Variants in CLPB observed in about 807,000 individuals in gnomAD.
The protein encoded by CLPB is ClpB family mitochondrial disaggregase, also known as mitochondrial disaggregase.
Under a neutral mutation model 78.4 loss-of-function variants are expected in CLPB, and 40 were observed. The observed-to-expected ratio is 0.51, with a 90% CI of 0.40 to 0.66. The LOEUF is 0.66. Among genes scored for constraint, CLPB ranks in the 30% least tolerant of loss-of-function variants. The pLI is 0.00. For synonymous variants in CLPB, 333 were observed against 348.0 expected, an observed-to-expected ratio of 0.96 and a Z score of 0.48; for missense variants, 780 against 886.9, an observed-to-expected ratio of 0.88 and a Z score of 1.53.
At chr11:72,381,152 T>C (rs1284097622) in intron 3 of CLPB, among the ~76,000 whole-genome samples, 1 of 152,124 alleles carries the variant, frequency 6.6e-6, no homozygotes, top group Admixed American at 6.5e-5. Context: ...CTACAGAGGG[T>C]AGGAAGACAG....
chr11:72,331,842 G>T (rs546228153), intron 5 of CLPB, among the ~76,000 whole-genome samples: 1 of 152,086 alleles, frequency 6.6e-6, no homozygotes, highest in African/African-American at 2.4e-5. Flanking sequence ...CCAAAGTGCT[G>T]GGATTATAGG....
At chr11:72,302,118 T>C in intron 10 of CLPB, 154 bp from the exon 11 acceptor site, 3 of 980,014 alleles carry the variant, frequency 3.1e-6, no homozygotes, top group Non-Finnish European at 4.6e-6. Context: ...CAGATAGATC[T>C]TCTCTATGTT....
chr11:72,433,833 A>G (rs1474805474), intron 1 of CLPB, among the ~76,000 whole-genome samples: 1 of 152,158 alleles, frequency 6.6e-6, no homozygotes, highest in Non-Finnish European at 1.5e-5. Context: ...TCCCCATTGT[A>G]CAGATGGATA....
chr11:72,294,974 C>T (rs1287359157), intron 12 of CLPB, among the ~76,000 whole-genome samples: 1 of 152,138 alleles, frequency 6.6e-6, no homozygotes, highest in East Asian at 1.9e-4. Flanking sequence ...GACTTGAGTC[C>T]TGACTTGGAG....
chr11:72,408,666 CAAAAA>C (rs576990524), intron 2 of CLPB, among the ~76,000 whole-genome samples: 2 of 64,274 alleles, frequency 3.1e-5, no homozygotes, highest in Non-Finnish European at 3.6e-5. Context: ...GACTCTGTCT[CAAAAA>C]AAAAAAAAAA....
At chr11:72,344,387 T>C (rs1367803024) in intron 5 of CLPB, among the ~76,000 whole-genome samples, 9 of 151,990 alleles carry the variant, frequency 5.9e-5, no homozygotes, top group Non-Finnish European at 2.9e-5. Flanking sequence ...TTGTATTTTT[T>C]TTTTTGTAGA....
intron 7 of CLPB, chr11:72,310,880 T>C (rs1949833640): frequency 6.6e-6 from 1 of 152,004 alleles, no homozygotes; most frequent in Non-Finnish European, 1.5e-5. Flanking sequence ...AAAAACACCA[T>C]GGAGAATGAG....
intron 2 of CLPB, among the ~76,000 whole-genome samples, chr11:72,418,463 T>C (rs184741163): frequency 6.6e-6 from 1 of 152,306 alleles, no homozygotes; most frequent in African/African-American, 2.4e-5. Context: ...TTAGACAACT[T>C]TTCCAAGGTC....
At chr11:72,326,187 A>G (rs1950130772) in intron 6 of CLPB, among the ~76,000 whole-genome samples, 2 of 152,178 alleles carry the variant, frequency 1.3e-5, no homozygotes, top group Admixed American at 1.3e-4. Flanking sequence ...AGTATATATC[A>G]TTGTTATAAT....
chr11:72,337,095 T>TA, intron 5 of CLPB: 1 of 398,626 alleles, frequency 2.5e-6, no homozygotes, highest in East Asian at 3.6e-5. Flanking sequence ...GCTACTCAAG[T>TA]CAGAGCCAAT....
At chr11:72,396,076 G>A (rs906921000) in intron 3 of CLPB, among the ~76,000 whole-genome samples, 1 of 152,138 alleles carries the variant, frequency 6.6e-6, no homozygotes, top group African/African-American at 2.4e-5. Context: ...AAAAATAAAT[G>A]ACTGCTGTGA....
intron 5 of CLPB, among the ~76,000 whole-genome samples, chr11:72,357,485 T>C (rs1005130281): frequency 6.6e-6 from 1 of 151,316 alleles, no homozygotes; most frequent in African/African-American, 2.4e-5. Flanking sequence ...TCACCTGAGG[T>C]TGAGAGTTCG....
chr11:72,344,984 T>A (rs1950485816), intron 5 of CLPB, among the ~76,000 whole-genome samples: 1 of 152,212 alleles, frequency 6.6e-6, no homozygotes. Flanking sequence ...AATGAGATAC[T>A]ATGTCTCACC....
intron 4 of CLPB, among the ~76,000 whole-genome samples, chr11:72,366,440 C>T (rs1180637849): frequency 6.6e-6 from 1 of 152,030 alleles, no homozygotes; most frequent in Non-Finnish European, 1.5e-5. Flanking sequence ...GTTGGCCAGG[C>T]TGGTCTTGAA....
intron 9 of CLPB, chr11:72,304,345 A>C (rs945002665): frequency 2.6e-4 from 39 of 152,258 alleles, no homozygotes; most frequent in African/African-American, 8.9e-4. Flanking sequence ...CCTACTTTAC[A>C]GATGAGAAAG....
chr11:72,400,159 G>C (rs1447956300), intron 3 of CLPB, among the ~76,000 whole-genome samples: 2 of 152,130 alleles, frequency 1.3e-5, no homozygotes, highest in Non-Finnish European at 2.9e-5. Context: ...TATGTGGGCA[G>C]GGATCTTTGT....
chr11:72,359,338 G>A (rs1366625370), intron 4 of CLPB: 3 of 404,126 alleles, frequency 7.4e-6, no homozygotes, highest in Non-Finnish European at 4.8e-6. Flanking sequence ...TGCTCTGTTA[G>A]AGGTATAATA....
intron 3 of CLPB, among the ~76,000 whole-genome samples, chr11:72,393,940 C>A (rs1466541112): frequency 6.6e-6 from 1 of 152,158 alleles, no homozygotes; most frequent in East Asian, 1.9e-4. Context: ...GCTTCATTAA[C>A]TCTGTTGGCA....
intron 8 of CLPB, 78 bp from the exon 9 acceptor site, chr11:72,307,332 C>G: frequency 3.4e-6 from 4 of 1,163,962 alleles, no homozygotes; most frequent in Non-Finnish European, 5.2e-6. Context: ...TAGAAATGCA[C>G]GGACACTAGA....
Sources: allele counts gnomAD v4.1 joint callset (sites outside exome capture counted in the v4.1 genomes callset), GRCh38; gene constraint gnomAD v4.1.1; transcripts MANE v1.5; gene names NCBI Gene and HGNC (gene_info 2026-07-23, HGNC 2026-07-21).